CRY1: variants seen among roughly 807,000 people sequenced by gnomAD.
CRY1 encodes the protein cryptochrome-1.
In CRY1, 45 loss-of-function variants were observed where a neutral mutation model predicts 76.0. That is an observed-to-expected ratio of 0.59 (90% CI 0.47 to 0.76). The LOEUF (loss-of-function observed/expected upper bound fraction) is 0.76. CRY1 is among the 30% of genes least tolerant of loss of function. The pLI, the probability that CRY1 is intolerant of heterozygous loss-of-function variation, is 0.00. For missense variants in CRY1, 587 were observed against 716.4 expected, an observed-to-expected ratio of 0.82 and a Z score of 2.06; for synonymous variants, 248 against 244.0, an observed-to-expected ratio of 1.02 and a Z score of -0.15.
At chr12:107,073,229 T>TTC (rs199764438) in intron 1 of CRY1, among the ~76,000 whole-genome samples, 3 of 151,290 alleles carry the variant, frequency 2.0e-5, no homozygotes, top group Non-Finnish European at 4.4e-5. Context: ...ATTTTTTTAT[T>TTC]TCTCTCTCTC....
At chr12:107,032,084 G>A (rs192224362) in intron 1 of CRY1, among the ~76,000 whole-genome samples, 186 of 152,230 alleles carry the variant, frequency 1.2e-3, no homozygotes, top group Admixed American at 4.7e-3. Context: ...ACAGGCATGC[G>A]CCACCACGCC....
intron 1 of CRY1, among the ~76,000 whole-genome samples, chr12:107,070,779 C>T (rs1197703486): frequency 6.6e-6 from 1 of 151,422 alleles, no homozygotes; most frequent in Non-Finnish European, 1.5e-5. Flanking sequence ...TGGCTCACTG[C>T]AAGCTCTGCC....
At chr12:107,028,300 C>A (rs929545963) in intron 1 of CRY1, among the ~76,000 whole-genome samples, 1 of 151,978 alleles carries the variant, frequency 6.6e-6, no homozygotes, top group Admixed American at 6.5e-5. Flanking sequence ...TGGTTTGTTA[C>A]AAATTTTTAG....
Position 107,018,337 on chromosome 12 carries a change from T to C in CRY1, c.267+3747A>G, listed in dbSNP as rs568547194. ...GGCTCATGCCTGTTATCCCAGCACT[T>C]TGGGAGGCCAAGGTGGTGGAGACTC... On this transcript the variant is annotated intron_variant, in intron 2 of 12. Coordinates refer to ENST00000008527, the MANE Select transcript of CRY1 (RefSeq NM_004075.5). Among the ~76,000 whole-genome samples, 26 of 152,288 alleles carry C rather than the reference T, an allele frequency of 1.7e-4. No homozygotes were observed. In the East Asian group the frequency reaches 4.4e-3, roughly 26 times the overall value.
At position 107,072,001 on chromosome 12, in the gene CRY1, A is replaced by G. The variant is rs539266217; in HGVS notation, c.158+20803T>C. On this transcript the variant is annotated intron_variant, in intron 1 of 12. Transcript: ENST00000008527. ...GAAATCTACTCAAACTAGGTCATAC[A>G]AACAAAAAAAAGCATTGGAAGAATA... Among the ~76,000 whole-genome samples, 28 of 152,302 alleles carry G rather than the reference A, an allele frequency of 1.8e-4. 1 individual carries two copies. In the East Asian group the frequency reaches 5.4e-3, roughly 29 times the overall value.
intron 1 of CRY1, among the ~76,000 whole-genome samples, chr12:107,053,907 A>C (rs1441982616): frequency 6.6e-6 from 1 of 152,236 alleles, no homozygotes; most frequent in East Asian, 1.9e-4. Context: ...CATCCCCAAC[A>C]GGCTCAGAGA....
intron 1 of CRY1, among the ~76,000 whole-genome samples, chr12:107,089,345 G>GT (rs2136904810): frequency 7.1e-6 from 1 of 140,322 alleles, no homozygotes; most frequent in Admixed American, 7.5e-5. Context: ...TTGTTTGTTT[G>GT]TTTTTTAAGA....
At chr12:107,011,934 T>G (rs1291157520) in intron 2 of CRY1, among the ~76,000 whole-genome samples, 2 of 152,078 alleles carry the variant, frequency 1.3e-5, no homozygotes, top group African/African-American at 4.8e-5. Flanking sequence ...CTCATGCCTG[T>G]AATCCCAGCA....
intron 12 of CRY1, chr12:106,992,297 A>T (rs1434194995): frequency 6.6e-6 from 1 of 152,260 alleles, no homozygotes; most frequent in Non-Finnish European, 1.5e-5. Flanking sequence ...TACTTCTAAT[A>T]AGGGCCAGCA....
intron 1 of CRY1, among the ~76,000 whole-genome samples, chr12:107,040,128 T>C (rs1952780653): frequency 6.6e-6 from 1 of 152,182 alleles, no homozygotes; most frequent in African/African-American, 2.4e-5. Context: ...ATTCCATTTA[T>C]ATGAGGTATA....
At chr12:107,072,127 G>A (rs1304650584) in intron 1 of CRY1, among the ~76,000 whole-genome samples, 1 of 151,926 alleles carries the variant, frequency 6.6e-6, no homozygotes, top group Admixed American at 6.6e-5. Context: ...ATTCTCTCTT[G>A]TTTGTTCCTT....
chr12:107,055,708 G>A (rs1225883300), intron 1 of CRY1, among the ~76,000 whole-genome samples: 1 of 151,780 alleles, frequency 6.6e-6, no homozygotes, highest in African/African-American at 2.4e-5. Context: ...ACACAAATAA[G>A]CAATATCAAA....
At chr12:107,070,733 C>T (rs1311584615) in intron 1 of CRY1, among the ~76,000 whole-genome samples, 1 of 150,876 alleles carries the variant, frequency 6.6e-6, no homozygotes, top group African/African-American at 2.4e-5. Flanking sequence ...TGGAGTCTCA[C>T]TCTGTCGCCC....
intron 1 of CRY1, among the ~76,000 whole-genome samples, chr12:107,022,869 T>G (rs1026273565): frequency 1.3e-5 from 2 of 150,364 alleles, no homozygotes; most frequent in African/African-American, 4.9e-5. Context: ...AAGAAAAGGT[T>G]TCATGGAGTT....
intron 10 of CRY1, 96 bp from the exon 11 acceptor site, chr12:106,993,132 A>G (rs1040104294): frequency 8.9e-7 from 1 of 1,118,828 alleles, no homozygotes. Flanking sequence ...GCTTGTACTT[A>G]AGGTCATTTA....
chr12:107,032,028 G>A (rs1315049006), intron 1 of CRY1, among the ~76,000 whole-genome samples: 3 of 152,224 alleles, frequency 2.0e-5, no homozygotes, highest in Admixed American at 6.5e-5. Context: ...TCCACCTCCC[G>A]GGTTCAAGCG....
intron 1 of CRY1, among the ~76,000 whole-genome samples, chr12:107,065,550 G>A (rs1200439563): frequency 1.3e-5 from 2 of 151,748 alleles, no homozygotes; most frequent in Admixed American, 6.6e-5. Context: ...AGCTGAGATT[G>A]CGCCATTGCA....
chr12:107,082,351 T>C (rs1953337412), intron 1 of CRY1, among the ~76,000 whole-genome samples: 1 of 152,104 alleles, frequency 6.6e-6, no homozygotes, highest in Non-Finnish European at 1.5e-5. Flanking sequence ...GCAGACCTAG[T>C]AGACATCTAC....
rs544765401 is a variant in CRY1 at position 106,991,764 on chromosome 12, T to A, written c.*238A>T. 5 of 152,724 alleles carry A rather than the reference T, an allele frequency of 3.3e-5. No homozygotes were observed. Among genetic ancestry groups the A allele is most frequent in the Non-Finnish European group, 7.4e-5 (5 of 67,990 alleles). 9.5% of individuals were successfully genotyped at this position (152,724 alleles called of 1,614,324 possible). A position where few individuals can be genotyped will look rare whatever the true frequency, so the allele number is the denominator to read the frequency against. Reference sequence around the variant, plus strand: ...AATATATCGATGGGTCTATACTAATTGTGACTGTTTATATTTACATTAAGC... The same window carrying A: ...AATATATCGATGGGTCTATACTAATAGTGACTGTTTATATTTACATTAAGC... On this transcript the variant is annotated 3_prime_UTR_variant, in exon 13 of 13. Coordinates refer to ENST00000008527, the MANE Select transcript of CRY1 (RefSeq NM_004075.5).
Sources: gnomAD v4.1 joint callset for allele counts (sites outside exome capture counted in the v4.1 genomes callset) on GRCh38, gnomAD v4.1.1 for gene constraint, MANE v1.5 for transcripts, NCBI Gene and HGNC (gene_info 2026-07-23, HGNC 2026-07-21) for gene names.